Variants in TMEM108 observed in about 807,000 individuals in gnomAD.
The protein encoded by TMEM108 is transmembrane protein 108, also known as cancer/testis antigen 124.
TMEM108 carries 12 observed loss-of-function variants against 35.1 expected under a neutral mutation model. The observed-to-expected ratio is 0.34, with a 90% CI of 0.22 to 0.55. The LOEUF (loss-of-function observed/expected upper bound fraction) is 0.55, where lower values mean the gene tolerates loss of function less well. Ranked by LOEUF, TMEM108 falls within the 20% of genes least tolerant of loss-of-function variation. The probability of loss-of-function intolerance (pLI) is 0.89; values close to 1 mark genes in which losing one functional copy is unlikely to be tolerated. For synonymous variants in TMEM108, 287 were observed against 308.6 expected (o/e 0.93, Z 0.73); for missense variants, 680 against 753.3 (o/e 0.90, Z 1.14).
At chr3:133,184,809 A>G (rs1489574281) in intron 2 of TMEM108, among the ~76,000 whole-genome samples, 1 of 152,250 alleles carries the variant, frequency 6.6e-6, no homozygotes, top group East Asian at 1.9e-4. Context: ...ATCAGTAAGT[A>G]TGATGTAGAA....
At chr3:133,250,351 G>A (rs759298348) in intron 3 of TMEM108, among the ~76,000 whole-genome samples, 4 of 152,116 alleles carry the variant, frequency 2.6e-5, no homozygotes, top group African/African-American at 4.8e-5. Flanking sequence ...TCCACTTAAT[G>A]AATAGTAAAT....
At chr3:133,309,208 TC>T (rs2071088263) in intron 3 of TMEM108, among the ~76,000 whole-genome samples, 1 of 152,202 alleles carries the variant, frequency 6.6e-6, no homozygotes. Context: ...GGTGGTGATA[TC>T]CCCTTTGTCA....
Position 133,381,038 on chromosome 3 carries a change from A to T in TMEM108, c.1327A>T (p.Thr443Ser). 1 of 1,614,190 alleles carries T rather than the reference A, an allele frequency of 6.2e-7. No homozygotes were observed. Among genetic ancestry groups the T allele is most frequent in the Non-Finnish European group, 8.5e-7 (1 of 1,180,032 alleles). Residue 443 changes from threonine (T) to serine (S), a missense_variant, in exon 4 of 6, where the codon ACA becomes TCA. By Grantham distance (58) the Thr-to-Ser change is moderately conservative. Coordinates refer to ENST00000321871, the MANE Select transcript of TMEM108 (RefSeq NM_023943.4). ...CCCCGCCGGGACCTGGAAGCCTGGGACAGCAGGGAACATCTCCCATGTGGC... is the reference window on the plus strand; with the variant it reads ...CCCCGCCGGGACCTGGAAGCCTGGGTCAGCAGGGAACATCTCCCATGTGGC... Reference protein sequence around the residue: ...LVPAGTWKPGTAGNISHVAEG... With the variant: ...LVPAGTWKPGSAGNISHVAEG...
intron 4 of TMEM108, among the ~76,000 whole-genome samples, chr3:133,382,721 T>A (rs1376195749): frequency 6.6e-6 from 1 of 152,224 alleles, no homozygotes; most frequent in African/African-American, 2.4e-5. Flanking sequence ...GTCTCCCAGC[T>A]TTTCCTCCTG....
chr3:133,296,290 C>G (rs987931477), intron 3 of TMEM108, among the ~76,000 whole-genome samples: 1 of 152,112 alleles, frequency 6.6e-6, no homozygotes, highest in Non-Finnish European at 1.5e-5. Context: ...ATTTAAATCT[C>G]GGAGTATCTG....
intron 3 of TMEM108, among the ~76,000 whole-genome samples, chr3:133,334,794 G>A (rs991117224): frequency 8.5e-5 from 13 of 152,144 alleles, no homozygotes; most frequent in African/African-American, 3.1e-4. Context: ...GACATTTTAG[G>A]CATAACTGAT....
chr3:133,130,106 G>T (rs1467774608), intron 2 of TMEM108, among the ~76,000 whole-genome samples: 1 of 152,096 alleles, frequency 6.6e-6, no homozygotes, highest in African/African-American at 2.4e-5. Flanking sequence ...TTCAGAAGTG[G>T]TGCTTGCACT....
intron 2 of TMEM108, among the ~76,000 whole-genome samples, chr3:133,052,353 A>G (rs559036017): frequency 9.3e-4 from 141 of 151,992 alleles, no homozygotes; most frequent in Admixed American, 1.1e-3. Context: ...CCTTGTTATA[A>G]TTGCTTTACT....
In TMEM108 at chr3:133,379,956, C is replaced by A. The variant is rs928298661; in HGVS notation, c.245C>A (p.Ala82Glu). The change falls in exon 4 of 6, where the codon GCA (alanine) becomes GAA (glutamate). Residue 82 changes from alanine (A) to glutamate (E), a missense_variant. Around this residue, in one of 3 missense-constraint regions of TMEM108, gnomAD observed 526 missense variants for 532.1 expected, o/e 0.99. Transcript: ENST00000321871. ...GPPSQAAAPM[A>E]TPTPRAEGHP... Reference sequence around the variant, plus strand: ...CCCTCACAGGCTGCAGCTCCCATGGCAACACCGACACCCCGTGCAGAGGGG... The same window carrying A: ...CCCTCACAGGCTGCAGCTCCCATGGAAACACCGACACCCCGTGCAGAGGGG... The A allele has an allele frequency of 3.7e-6, 6 of 1,613,768 alleles. No homozygotes were observed. The African/African-American group carries it at 6.7e-5, about 18-fold the overall frequency.
chr3:133,117,440 C>T (rs1306115605), intron 2 of TMEM108, among the ~76,000 whole-genome samples: 1 of 152,186 alleles, frequency 6.6e-6, no homozygotes, highest in Non-Finnish European at 1.5e-5. Flanking sequence ...CAATGGAAGA[C>T]AACAAGTCTA....
At chr3:133,070,085 C>G (rs1016664229) in intron 2 of TMEM108, among the ~76,000 whole-genome samples, 1 of 152,110 alleles carries the variant, frequency 6.6e-6, no homozygotes, top group African/African-American at 2.4e-5. Context: ...CTAAACAGTA[C>G]AGAGCACTTG....
intron 2 of TMEM108, among the ~76,000 whole-genome samples, chr3:133,105,199 G>A (rs1219551022): frequency 6.6e-6 from 1 of 152,112 alleles, no homozygotes; most frequent in Non-Finnish European, 1.5e-5. Flanking sequence ...GCCCACTTCC[G>A]AGCTCACCAG....
At chr3:133,273,607 TG>T (rs1946801581) in intron 3 of TMEM108, among the ~76,000 whole-genome samples, 1 of 152,178 alleles carries the variant, frequency 6.6e-6, no homozygotes, top group Non-Finnish European at 1.5e-5. Context: ...GGGTGAGTGG[TG>T]GAAGAACTGC....
chr3:133,165,507 C>CT (rs1323743239), intron 2 of TMEM108, among the ~76,000 whole-genome samples: 1 of 152,104 alleles, frequency 6.6e-6, no homozygotes, highest in Non-Finnish European at 1.5e-5. Context: ...AAAAAAAAGA[C>CT]TATAGACTGT....
chr3:133,354,937 C>T (rs1037173444), intron 3 of TMEM108, among the ~76,000 whole-genome samples: 4 of 150,718 alleles, frequency 2.7e-5, no homozygotes, highest in East Asian at 1.9e-4. Flanking sequence ...TTAAAATGAT[C>T]GTCACTTCAT....
intron 3 of TMEM108, among the ~76,000 whole-genome samples, chr3:133,251,511 G>A (rs1946470917): frequency 6.6e-6 from 1 of 152,124 alleles, no homozygotes; most frequent in Non-Finnish European, 1.5e-5. Flanking sequence ...CCCACTCATA[G>A]GAAATTTCAA....
chr3:133,220,873 G>C (rs1201388164), intron 2 of TMEM108, among the ~76,000 whole-genome samples: 1 of 152,176 alleles, frequency 6.6e-6, no homozygotes, highest in Non-Finnish European at 1.5e-5. Flanking sequence ...CCCTCTCCTT[G>C]GGTTTGATTA....
chr3:133,164,182 T>C (rs1388306074), intron 2 of TMEM108, among the ~76,000 whole-genome samples: 1 of 152,204 alleles, frequency 6.6e-6, no homozygotes, highest in Non-Finnish European at 1.5e-5. Flanking sequence ...TTTAGTGCCG[T>C]TTTCTACTAT....
intron 2 of TMEM108, among the ~76,000 whole-genome samples, chr3:133,181,008 TAAAAAAAAAAAAAA>T (rs369228472): frequency 4.0e-4 from 30 of 75,858 alleles, no homozygotes; most frequent in East Asian, 2.5e-3. Flanking sequence ...GCAGTTGTGT[TAAAAAAAAAAAAAA>T]AAAAAAAAAA....
Sources: gnomAD v4.1 joint callset for allele counts (sites outside exome capture counted in the v4.1 genomes callset) on GRCh38, gnomAD v4.1.1 for gene constraint, gnomAD v4.1.1 regional missense constraint, MANE v1.5 for transcripts, NCBI Gene and HGNC (gene_info 2026-07-23, HGNC 2026-07-21) for gene names.